The following PLXNA2 variants were observed in gnomAD, a reference collection of about 807,000 sequenced individuals.
PLXNA2 encodes the protein plexin A2.
PLXNA2 carries 91 observed loss-of-function variants against 193.5 expected under a neutral mutation model. The observed-to-expected ratio is 0.47, with a 90% CI of 0.40 to 0.56. The LOEUF is 0.56. Among genes scored for constraint, PLXNA2 ranks in the 20% least tolerant of loss-of-function variants. The pLI, the probability that PLXNA2 is intolerant of heterozygous loss-of-function variation, is 0.00. For missense variants in PLXNA2, 1,995 were observed against 2,503.2 expected (o/e 0.80, Z 4.33); for synonymous variants, 997 against 1,027.3 (o/e 0.97, Z 0.56).
chr1:208,151,768 C>T (rs1011791302), intron 3 of PLXNA2, among the ~76,000 whole-genome samples: 2 of 152,216 alleles, frequency 1.3e-5, no homozygotes, highest in African/African-American at 2.4e-5. Flanking sequence ...CAGGATCACA[C>T]AGCTAGAAAG....
chr1:208,030,561 A>G (rs985407962), intron 29 of PLXNA2: 29 of 985,404 alleles, frequency 2.9e-5, no homozygotes, highest in Non-Finnish European at 3.5e-5. Flanking sequence ...AAAGCTGCAG[A>G]CTGAGGAAGG....
chr1:208,087,309 A>G (rs915481019), intron 9 of PLXNA2, among the ~76,000 whole-genome samples: 1 of 152,082 alleles, frequency 6.6e-6, no homozygotes, highest in South Asian at 2.1e-4. Flanking sequence ...TAACACACAC[A>G]CACACTTTCA....
intron 3 of PLXNA2, among the ~76,000 whole-genome samples, chr1:208,165,712 G>A (rs1341187439): frequency 6.6e-6 from 1 of 152,190 alleles, no homozygotes; most frequent in Non-Finnish European, 1.5e-5. Flanking sequence ...CACTCCCTCA[G>A]GACCAGAAGG....
At chr1:208,109,691 G>C (rs749152583) in intron 4 of PLXNA2, among the ~76,000 whole-genome samples, 21 of 152,240 alleles carry the variant, frequency 1.4e-4, no homozygotes, top group Admixed American at 2.6e-4. Flanking sequence ...GCCAACTGGA[G>C]GAGAATCCTC....
At chr1:208,161,912 A>G (rs1014823537) in intron 3 of PLXNA2, among the ~76,000 whole-genome samples, 1 of 152,228 alleles carries the variant, frequency 6.6e-6, no homozygotes, top group East Asian at 1.9e-4. Context: ...TCCAGATTGT[A>G]TTGAATCCAC....
rs36026400 is a variant in PLXNA2, at chr1:208,200,577, C to CTTTTT, written c.1371+9698_1371+9702dup. Among the ~76,000 whole-genome samples the CTTTTT allele has an allele frequency of 3.3e-4, 38 of 113,994 alleles. 1 individual carries two copies. Among genetic ancestry groups the CTTTTT allele is most frequent in the South Asian group, 8.8e-4 (3 of 3,390 alleles). The allele number at this position is 113,994 out of a possible 152,430, so 74.8% of individuals were successfully genotyped here. On this transcript the variant is annotated intron_variant, in intron 3 of 31. Coordinates refer to ENST00000367033, the MANE Select transcript of PLXNA2 (RefSeq NM_025179.4). ...AGAGCAGTGAAATATCCCAATCCTT[C>CTTTTT]TTTTTTTTTTTTTTTTTTTTTTTCT...
At chr1:208,200,977 T>C (rs1017380699) in intron 3 of PLXNA2, among the ~76,000 whole-genome samples, 2 of 152,210 alleles carry the variant, frequency 1.3e-5, no homozygotes, top group Non-Finnish European at 2.9e-5. Context: ...AATTTGGGAC[T>C]GTGGCAGAAA....
intron 3 of PLXNA2, among the ~76,000 whole-genome samples, chr1:208,209,334 T>C (rs1222932088): frequency 6.6e-6 from 1 of 152,132 alleles, no homozygotes; most frequent in Non-Finnish European, 1.5e-5. Context: ...CTCCCAAGGC[T>C]CTAAATGGAT....
intron 10 of PLXNA2, among the ~76,000 whole-genome samples, chr1:208,084,170 G>T (rs540580198): frequency 6.6e-5 from 10 of 152,226 alleles, no homozygotes; most frequent in East Asian, 5.8e-4. Flanking sequence ...TGCCATGAGG[G>T]TCCTCACGGA....
At chr1:208,140,878 T>C (rs1474458432) in intron 4 of PLXNA2, among the ~76,000 whole-genome samples, 1 of 152,242 alleles carries the variant, frequency 6.6e-6, no homozygotes, top group Non-Finnish European at 1.5e-5. Flanking sequence ...AGTGGCTAAG[T>C]CTCATTCATT....
intron 3 of PLXNA2, among the ~76,000 whole-genome samples, chr1:208,195,960 C>T (rs924022549): frequency 6.4e-5 from 9 of 140,232 alleles, no homozygotes; most frequent in Admixed American, 3.8e-4. Context: ...ACTGAAGGTA[C>T]AAGGGAGGTG....
chr1:208,127,602 C>G (rs1668012308), intron 4 of PLXNA2, among the ~76,000 whole-genome samples: 1 of 152,164 alleles, frequency 6.6e-6, no homozygotes, highest in African/African-American at 2.4e-5. Flanking sequence ...GAAGGAAAAG[C>G]AGAAATAGCT....
rs762742892 is a variant in PLXNA2, at chr1:208,060,678, G to A, written c.2738+8C>T. 6.2e-6 allele frequency: 10 copies of A among 1,610,112 alleles called. No individual in the cohort carries two copies. Among genetic ancestry groups the A allele is most frequent in the Admixed American group, 3.4e-5 (2 of 59,670 alleles). On this transcript the variant is annotated splice_region_variant and intron_variant, in intron 13 of 31. Coordinates refer to ENST00000367033, the MANE Select transcript of PLXNA2 (RefSeq NM_025179.4). ...CCATGGGAAAAGGGCTGGCCAGGGC[G>A]GACTCACTGCTCAGCGATGATGTAT... is the stretch of plus-strand genomic sequence containing the variant.
At chr1:208,070,907 C>T (rs927243313) in intron 12 of PLXNA2, among the ~76,000 whole-genome samples, 4 of 152,212 alleles carry the variant, frequency 2.6e-5, no homozygotes, top group South Asian at 4.1e-4. Context: ...GCTGGGTTAG[C>T]TGAGGTCCAA....
At chr1:208,219,373 GAGAGGGAC>G (rs1467895797) in intron 1 of PLXNA2, among the ~76,000 whole-genome samples, 4 of 152,202 alleles carry the variant, frequency 2.6e-5, no homozygotes, top group Non-Finnish European at 4.4e-5. Context: ...CTGACTTATG[GAGAGGGAC>G]AGTGGGAAGT....
At chr1:208,203,847 TC>T (rs1670630469) in intron 3 of PLXNA2, among the ~76,000 whole-genome samples, 1 of 152,210 alleles carries the variant, frequency 6.6e-6, no homozygotes, top group Non-Finnish European at 1.5e-5. Flanking sequence ...CGGAAACGTA[TC>T]TTGTAAACAG....
intron 6 of PLXNA2, among the ~76,000 whole-genome samples, chr1:208,097,973 A>C (rs560910073): frequency 6.6e-6 from 1 of 152,234 alleles, no homozygotes; most frequent in East Asian, 1.9e-4. Flanking sequence ...CCAAAGTGCT[A>C]GGATTACAGG....
chr1:208,051,466 C>A (rs1367893816), intron 15 of PLXNA2, 43 bp from the exon 16 acceptor site: 2 of 1,562,572 alleles, frequency 1.3e-6, no homozygotes, highest in African/African-American at 1.4e-5. Context: ...AAGGCATGGG[C>A]AACAAGAGGT....
chr1:208,172,660 C>T (rs967889301), intron 3 of PLXNA2, among the ~76,000 whole-genome samples: 3 of 152,176 alleles, frequency 2.0e-5, no homozygotes, highest in South Asian at 2.1e-4. Context: ...TTCTGGAGGG[C>T]TGAGGGAGCT....
Sources: gnomAD v4.1 joint callset for allele counts (sites outside exome capture counted in the v4.1 genomes callset) on GRCh38, gnomAD v4.1.1 for gene constraint, MANE v1.5 for transcripts, NCBI Gene and HGNC (gene_info 2026-07-23, HGNC 2026-07-21) for gene names.